The following USP40 variants were observed in gnomAD, a reference collection of about 807,000 sequenced individuals.
USP40 encodes the protein ubiquitin specific peptidase 40.
Under a neutral mutation model 166.2 loss-of-function variants are expected in USP40, and 143 were observed. That is an observed-to-expected ratio of 0.86 (90% CI 0.75 to 0.99). USP40 has a LOEUF of 0.99. USP40 is among the 50% of genes least tolerant of loss of function. USP40 has a pLI of 0.00. For missense variants in USP40, 1,444 were observed against 1,479.7 expected, an observed-to-expected ratio of 0.98 and a Z score of 0.40; for synonymous variants, 498 against 524.0, an observed-to-expected ratio of 0.95 and a Z score of 0.68.
intron 25 of USP40, 171 bp from the exon 26 acceptor site, chr2:233,491,432 AT>A: frequency 3.2e-6 from 2 of 618,016 alleles, no homozygotes; most frequent in Non-Finnish European, 5.9e-6. Flanking sequence ...AGGCAGGGAC[AT>A]GTTGTCGGCA....
chr2:233,500,169 C>T (rs1443937676), intron 21 of USP40, among the ~76,000 whole-genome samples: 2 of 152,170 alleles, frequency 1.3e-5, no homozygotes, highest in African/African-American at 4.8e-5. Flanking sequence ...AAGTTTCATC[C>T]ACCAACTCCC....
intron 1 of USP40, among the ~76,000 whole-genome samples, chr2:233,566,355 A>G (rs1198471297): frequency 6.6e-6 from 1 of 152,208 alleles, no homozygotes; most frequent in African/African-American, 2.4e-5. Flanking sequence ...ACCAAATGAC[A>G]GGAAGCGCTG....
intron 6 of USP40, among the ~76,000 whole-genome samples, chr2:233,553,569 A>G (rs2070776968): frequency 1.3e-5 from 2 of 152,178 alleles, no homozygotes; most frequent in South Asian, 4.1e-4. Context: ...ATCAGAAAGG[A>G]GCTGGAATGT....
intron 31 of USP40, among the ~76,000 whole-genome samples, chr2:233,479,577 T>A (rs994978880): frequency 2.1e-5 from 3 of 146,186 alleles, no homozygotes; most frequent in South Asian, 2.1e-4. Flanking sequence ...AAAAAAAAAA[T>A]TTGGAAAACA....
chr2:233,495,404 T>C (rs1435619597), intron 24 of USP40, among the ~76,000 whole-genome samples: 1 of 151,622 alleles, frequency 6.6e-6, no homozygotes, highest in Admixed American at 6.6e-5. Flanking sequence ...ATCTCTCTTC[T>C]TGTTTTTTTT....
At chr2:233,512,229 T>C (rs548312440) in intron 19 of USP40, 70 of 189,654 alleles carry the variant, frequency 3.7e-4, no homozygotes, top group African/African-American at 1.6e-3. Context: ...GATACAGAGA[T>C]GAGAACTGAA....
In USP40 at chr2:233,549,096, C is replaced by T. The variant is rs1442880093; in HGVS notation, c.966+5G>A. On this transcript the variant is annotated splice_donor_5th_base_variant and intron_variant, in intron 8 of 31. Transcript: ENST00000678225. ...AGATATTTCTAAACGAATTTCTATA[C>T]GTACTTGAAACTGCCAGTTTCCCAA... is the stretch of plus-strand genomic sequence containing the variant. The T allele has an allele frequency of 1.0e-5, 16 of 1,588,380 alleles. No individual in the cohort carries two copies. Among genetic ancestry groups the T allele is most frequent in the South Asian group, 4.7e-5 (4 of 85,396 alleles).
At chr2:233,488,787 T>C (rs2065115444) in intron 27 of USP40, among the ~76,000 whole-genome samples, 1 of 151,974 alleles carries the variant, frequency 6.6e-6, no homozygotes, top group South Asian at 2.1e-4. Flanking sequence ...ATGCCTGAGG[T>C]CCCAGCTACA....
Position 233,485,587 on chromosome 2 carries a change from CTTG to C in USP40, c.3445_3447del (p.Gln1149del), listed in dbSNP as rs772971112. ...TAATACGGTGCCCCTTGCAAATAAT[CTTG>C]TTTTTTTTTCTTTTTCCTCTTGGTT... On this transcript the variant is annotated inframe_deletion, in exon 30 of 32. Coordinates refer to ENST00000678225, the MANE Select transcript of USP40 (RefSeq NM_001365479.2). 6.2e-7 allele frequency: 1 copy of C among 1,613,864 alleles called. No homozygotes were observed. Among genetic ancestry groups the C allele is most frequent in the South Asian group, 1.1e-5 (1 of 91,056 alleles).
chr2:233,565,002 TTAAG>T (rs1299057691), intron 2 of USP40, among the ~76,000 whole-genome samples: 1 of 152,230 alleles, frequency 6.6e-6, no homozygotes, highest in African/African-American at 2.4e-5. Flanking sequence ...TAACTCTGGC[TTAAG>T]TGTTTGTTAT....
At chr2:233,482,987 C>G (rs2125033692) in intron 30 of USP40, among the ~76,000 whole-genome samples, 1 of 152,364 alleles carries the variant, frequency 6.6e-6, no homozygotes, top group East Asian at 1.9e-4. Context: ...TGGCCCACTT[C>G]TCTATTGGGT....
chr2:233,484,923 G>C (rs1337391777), intron 30 of USP40, among the ~76,000 whole-genome samples: 1 of 152,206 alleles, frequency 6.6e-6, no homozygotes, highest in Admixed American at 6.5e-5. Flanking sequence ...TTAAACAGAA[G>C]GGGCGGTTAG....
intron 18 of USP40, among the ~76,000 whole-genome samples, chr2:233,513,545 T>C (rs561420723): frequency 6.6e-6 from 1 of 152,200 alleles, no homozygotes; most frequent in Non-Finnish European, 1.5e-5. Context: ...GTGTGTACTT[T>C]ATTCAGTTAC....
At chr2:233,521,352 G>A (rs537378400) in intron 16 of USP40, among the ~76,000 whole-genome samples, 4 of 152,280 alleles carry the variant, frequency 2.6e-5, no homozygotes, top group Non-Finnish European at 4.4e-5. Flanking sequence ...TTTTCACAGA[G>A]AACTTCTGTA....
intron 7 of USP40, 30 bp downstream of exon 7, chr2:233,551,342 AAAAG>A (rs1260596217): frequency 1.3e-6 from 2 of 1,563,848 alleles, no homozygotes; most frequent in Non-Finnish European, 1.7e-6. Flanking sequence ...TTGAGAGGGG[AAAAG>A]AAAGAATTTA....
chr2:233,537,979 A>C (rs1175559650), intron 10 of USP40, among the ~76,000 whole-genome samples: 2 of 152,182 alleles, frequency 1.3e-5, no homozygotes, highest in African/African-American at 4.8e-5. Context: ...TTTACATTAC[A>C]TGTAATGGTA....
At chr2:233,562,675 C>T (rs1559291196) in intron 3 of USP40, 61 bp downstream of exon 3, 1 of 1,256,110 alleles carries the variant, frequency 8.0e-7, no homozygotes, top group African/African-American at 1.5e-5. Context: ...TGTAACTAAC[C>T]TGCACATTGT....
At position 233,507,131 on chromosome 2, in the gene USP40, C is replaced by T. The variant is rs142029070; in HGVS notation, c.2613+2918G>A. On this transcript the variant is annotated intron_variant, in intron 21 of 31. Transcript: ENST00000678225. ...TCAAAACCACAATGAAGTACCATCT[C>T]ACTCCAGTTAGAATGGCTACTATTA... Among the ~76,000 whole-genome samples the T allele has an allele frequency of 3.3e-5, 5 of 152,230 alleles. 1 individual carries two copies. The South Asian group carries it at 6.2e-4, about 19-fold the overall frequency.
chr2:233,549,129 A>T lies in USP40; in HGVS notation c.938T>A (p.Val313Asp), dbSNP rs1382642478. The T allele has an allele frequency of 1.2e-6, 2 of 1,600,338 alleles. No individual in the cohort carries two copies. The highest frequency in any genetic ancestry group is 1.7e-6 in the Non-Finnish European group (2 of 1,173,956). Reference sequence around the variant, plus strand: ...AAACTGCCAGTTTCCCAAATGATCAACATCTTTAATATATACATGGTAATG... The same window carrying T: ...AAACTGCCAGTTTCCCAAATGATCATCATCTTTAATATATACATGGTAATG... ...GGHYHVYIKDVDHLGNWQFQE... is the reference protein window; with the variant it reads ...GGHYHVYIKDDDHLGNWQFQE... Residue 313 changes from valine (V) to aspartate (D), a missense_variant, in exon 8 of 32, where the codon GTT becomes GAT. Transcript: ENST00000678225.
Sources: allele counts gnomAD v4.1 joint callset (sites outside exome capture counted in the v4.1 genomes callset), GRCh38; gene constraint gnomAD v4.1.1; transcripts MANE v1.5; gene names NCBI Gene and HGNC (gene_info 2026-07-23, HGNC 2026-07-21).